The following PDE1C variants were observed in gnomAD, a reference collection of about 807,000 sequenced individuals.
PDE1C encodes phosphodiesterase 1C.
PDE1C carries 62 observed loss-of-function variants against 93.1 expected under a neutral mutation model. That is an observed-to-expected ratio of 0.67 (90% CI 0.54 to 0.82). The LOEUF is 0.82. Ranked by LOEUF, PDE1C falls within the 40% of genes least tolerant of loss-of-function variation. PDE1C has a pLI of 0.00. For synonymous variants in PDE1C, 325 were observed against 310.1 expected (o/e 1.05, Z -0.50); for missense variants, 742 against 884.6 (o/e 0.84, Z 2.04).
chr7:32,299,034 G>A (rs980415680), exon 1 of PDE1C: 13 of 1,194,682 alleles, frequency 1.1e-5, no homozygotes, highest in African/African-American at 1.6e-5. Context: ...GCGCGCCCGA[G>A]CGCGTGGACG....
intron 2 of PDE1C, among the ~76,000 whole-genome samples, chr7:31,904,228 T>C (rs1393195626): frequency 6.6e-6 from 1 of 152,100 alleles, no homozygotes; most frequent in African/African-American, 2.4e-5. Flanking sequence ...CCAGCCTGAA[T>C]TGACACAGGA....
intron 7 of PDE1C, among the ~76,000 whole-genome samples, chr7:31,853,235 A>C (rs1327657799): frequency 6.6e-6 from 1 of 152,214 alleles, no homozygotes; most frequent in African/African-American, 2.4e-5. Context: ...ACAATAAAAA[A>C]CAAAACCATT....
intron 3 of PDE1C, among the ~76,000 whole-genome samples, chr7:32,085,592 C>T (rs1342570363): frequency 1.4e-5 from 2 of 145,036 alleles, no homozygotes; most frequent in Admixed American, 6.9e-5. Context: ...AACATTGATG[C>T]AAAAATCCTC....
chr7:31,751,326 GA>G lies in PDE1C; in HGVS notation c.*2057del, dbSNP rs941258231. 6.6e-6 allele frequency: 1 copy of G among 152,094 alleles called. No homozygotes were observed. The highest frequency in any genetic ancestry group is 2.4e-5 in the African/African-American group (1 of 41,432). 9.4% of individuals were successfully genotyped at this position (152,094 alleles called of 1,614,324 possible). On this transcript the variant is annotated 3_prime_UTR_variant, in exon 18 of 18. Coordinates refer to ENST00000396191, the MANE Select transcript of PDE1C (RefSeq NM_001191057.4). ...CTCCATTAAAATATTAGCAAAGGTTGAAAAAAACTCACATCTTAGGAGAAAA... is the reference window on the plus strand; with the variant it reads ...CTCCATTAAAATATTAGCAAAGGTTGAAAAAACTCACATCTTAGGAGAAAA...
intron 7 of PDE1C, among the ~76,000 whole-genome samples, chr7:31,851,531 T>A (rs1233525556): frequency 1.3e-5 from 2 of 152,170 alleles, no homozygotes; most frequent in East Asian, 3.8e-4. Flanking sequence ...ACTCTGTGGA[T>A]TTACTTCCTA....
the PDE1C span, chr7:31,695,559 C>A: frequency 1.2e-6 from 2 of 1,613,762 alleles, no homozygotes; most frequent in South Asian, 1.1e-5. Flanking sequence ...AATGTTGAGT[C>A]AGACCAAAAA....
At chr7:32,024,973 G>T (rs1184513846) in intron 2 of PDE1C, among the ~76,000 whole-genome samples, 2 of 152,090 alleles carry the variant, frequency 1.3e-5, no homozygotes, top group African/African-American at 4.8e-5. Flanking sequence ...AGCCCAATGA[G>T]GGTATCTACT....
At chr7:32,014,848 T>G (rs1186304603) in intron 2 of PDE1C, among the ~76,000 whole-genome samples, 1 of 150,230 alleles carries the variant, frequency 6.7e-6, no homozygotes, top group Non-Finnish European at 1.5e-5. Context: ...TCATACACAT[T>G]AAGTCATTTG....
chr7:32,103,648 C>A (rs980079178), intron 3 of PDE1C, among the ~76,000 whole-genome samples: 9 of 152,196 alleles, frequency 5.9e-5, no homozygotes, highest in African/African-American at 2.2e-4. Flanking sequence ...AGAGGGCTTG[C>A]TGTTAGCTTG....
In PDE1C at chr7:32,172,736, C is replaced by T. The variant is rs189100771; in HGVS notation, c.137-2780G>A. ...ACTTGGGAGTCTGAGGCAGGAGAATCGCTTGAACCCAGGATGCAGAGGTTG... is the reference window on the plus strand; with the variant it reads ...ACTTGGGAGTCTGAGGCAGGAGAATTGCTTGAACCCAGGATGCAGAGGTTG... On this transcript the variant is annotated intron_variant, in intron 2 of 18. Transcript: ENST00000396193. Among the ~76,000 whole-genome samples the T allele has an allele frequency of 1.4e-4, 21 of 150,298 alleles. No individual in the cohort carries two copies. In the East Asian group the frequency reaches 3.6e-3, roughly 26 times the overall value.
At chr7:32,273,924 A>G (rs983756656) in intron 1 of PDE1C, among the ~76,000 whole-genome samples, 2 of 152,356 alleles carry the variant, frequency 1.3e-5, no homozygotes, top group South Asian at 2.1e-4. Flanking sequence ...TAGAATAACA[A>G]TCTCGCTGCT....
intron 2 of PDE1C, among the ~76,000 whole-genome samples, chr7:31,955,732 G>T (rs1450794277): frequency 6.6e-6 from 1 of 152,106 alleles, no homozygotes; most frequent in Non-Finnish European, 1.5e-5. Context: ...AAAAAATTGA[G>T]GGTCCGGGAA....
the PDE1C span, among the ~76,000 whole-genome samples, chr7:31,688,980 A>AT: frequency 3.9e-4 from 59 of 152,328 alleles, no homozygotes; most frequent in African/African-American, 1.4e-3. Context: ...AAGAATGTGA[A>AT]TTTTTTGTGG....
chr7:32,218,025 C>T (rs560060031), intron 1 of PDE1C, among the ~76,000 whole-genome samples: 1 of 152,306 alleles, frequency 6.6e-6, no homozygotes, highest in South Asian at 2.1e-4. Context: ...CCCTTCACCT[C>T]GTGCTACCCA....
intron 2 of PDE1C, among the ~76,000 whole-genome samples, chr7:32,006,040 C>T (rs1237691434): frequency 1.3e-5 from 2 of 152,158 alleles, no homozygotes; most frequent in Non-Finnish European, 2.9e-5. Flanking sequence ...CTTTAGGGGC[C>T]TTTTCTTTTT....
At chr7:31,681,768 T>C in the PDE1C span, among the ~76,000 whole-genome samples, 1 of 152,232 alleles carries the variant, frequency 6.6e-6, no homozygotes, top group Admixed American at 6.5e-5. Context: ...TTTTAGTTCT[T>C]GGATGCCAAA....
intron 1 of PDE1C, among the ~76,000 whole-genome samples, chr7:32,344,688 T>A (rs1054589656): frequency 6.6e-6 from 1 of 151,288 alleles, no homozygotes; most frequent in Non-Finnish European, 1.5e-5. Context: ...ATCCCTGCTA[T>A]TTTTTTTTCC....
intron 2 of PDE1C, among the ~76,000 whole-genome samples, chr7:32,200,177 C>T (rs1804907790): frequency 6.6e-6 from 1 of 152,162 alleles, no homozygotes; most frequent in South Asian, 2.1e-4. Context: ...CTGACTCTTG[C>T]TCATCATGGA....
At chr7:32,111,692 T>G (rs1046209676) in intron 3 of PDE1C, among the ~76,000 whole-genome samples, 2 of 152,162 alleles carry the variant, frequency 1.3e-5, no homozygotes, top group African/African-American at 2.4e-5. Flanking sequence ...TAAGGCAGAT[T>G]GTGAGCAAAA....
Sources: allele counts gnomAD v4.1 joint callset (sites outside exome capture counted in the v4.1 genomes callset), GRCh38; gene constraint gnomAD v4.1.1; transcripts MANE v1.5; gene names NCBI Gene and HGNC (gene_info 2026-07-23, HGNC 2026-07-21).